Variants in KIAA1217 observed in about 807,000 individuals in gnomAD.
KIAA1217 encodes the protein KIAA1217, also known as sickle tail protein homolog.
A neutral mutation model predicts 163.9 loss-of-function variants in KIAA1217; 88 were observed. That is an observed-to-expected ratio of 0.54 (90% CI 0.45 to 0.64). The LOEUF is 0.64. Among genes scored for constraint, KIAA1217 ranks in the 30% least tolerant of loss-of-function variants. KIAA1217 has a pLI of 0.00. For synonymous variants in KIAA1217, 903 were observed against 923.1 expected (o/e 0.98, Z 0.39); for missense variants, 2,372 against 2,475.0 (o/e 0.96, Z 0.88).
At chr10:24,104,573 T>C (rs1369796346) in intron 2 of KIAA1217, among the ~76,000 whole-genome samples, 1 of 152,186 alleles carries the variant, frequency 6.6e-6, no homozygotes, top group Non-Finnish European at 1.5e-5. Context: ...ATACTTTGCA[T>C]GATACTATAA....
chr10:24,131,461 T>G (rs1301150081), intron 2 of KIAA1217, among the ~76,000 whole-genome samples: 1 of 152,180 alleles, frequency 6.6e-6, no homozygotes, highest in Non-Finnish European at 1.5e-5. Flanking sequence ...AGTCTTGTAA[T>G]TTAATATGCA....
intron 5 of KIAA1217, among the ~76,000 whole-genome samples, chr10:24,449,035 T>C (rs1342660814): frequency 6.6e-6 from 1 of 152,234 alleles, no homozygotes; most frequent in Non-Finnish European, 1.5e-5. Context: ...ATGAGTGATA[T>C]ACATAATGAT....
chr10:24,033,875 T>G (rs1275891532), intron 2 of KIAA1217, among the ~76,000 whole-genome samples: 1 of 152,218 alleles, frequency 6.6e-6, no homozygotes, highest in Non-Finnish European at 1.5e-5. Flanking sequence ...GTGGTGACAC[T>G]GAATATTTGA....
chr10:23,789,618 G>A (rs1457838429), intron 1 of KIAA1217, among the ~76,000 whole-genome samples: 1 of 152,048 alleles, frequency 6.6e-6, no homozygotes, highest in East Asian at 1.9e-4. Context: ...TAGCAACTCA[G>A]TAAATGCTAT....
chr10:24,306,048 G>T (rs1386839332), intron 2 of KIAA1217, among the ~76,000 whole-genome samples: 2 of 152,136 alleles, frequency 1.3e-5, no homozygotes. Context: ...TTCAAATTCT[G>T]GTTGAGTTAG....
chr10:24,131,001 CA>C (rs1203860459), intron 2 of KIAA1217, among the ~76,000 whole-genome samples: 1 of 152,088 alleles, frequency 6.6e-6, no homozygotes, highest in East Asian at 1.9e-4. Flanking sequence ...GTTCTTCCTC[CA>C]GGGGGAATAA....
chr10:23,964,789 T>A (rs1195874620), intron 1 of KIAA1217, among the ~76,000 whole-genome samples: 2 of 151,964 alleles, frequency 1.3e-5, no homozygotes, highest in Non-Finnish European at 2.9e-5. Flanking sequence ...TCTCTTGACT[T>A]CGTGATCTGC....
chr10:24,204,015 A>G (rs1324450089), upstream of KIAA1217, among the ~76,000 whole-genome samples: 3 of 152,242 alleles, frequency 2.0e-5, no homozygotes, highest in Non-Finnish European at 4.4e-5. Context: ...GATAAAAGAA[A>G]CCATAATAAA....
intron 1 of KIAA1217, among the ~76,000 whole-genome samples, chr10:23,705,070 C>G (rs1161807517): frequency 6.6e-6 from 1 of 152,110 alleles, no homozygotes; most frequent in Non-Finnish European, 1.5e-5. Flanking sequence ...TTTTCATGTG[C>G]TTATTGGACA....
intron 2 of KIAA1217, among the ~76,000 whole-genome samples, chr10:24,195,486 A>G (rs2066942844): frequency 6.6e-6 from 1 of 152,110 alleles, no homozygotes; most frequent in Non-Finnish European, 1.5e-5. Context: ...CCCTGTCTCG[A>G]AGGTTCTTTG....
intron 5 of KIAA1217, among the ~76,000 whole-genome samples, chr10:24,454,782 A>G (rs2061641260): frequency 6.6e-6 from 1 of 152,134 alleles, no homozygotes; most frequent in African/African-American, 2.4e-5. Context: ...ATGGATGGAA[A>G]TCCACAAAGT....
At chr10:24,298,311 A>G (rs945392283) in intron 2 of KIAA1217, among the ~76,000 whole-genome samples, 2 of 152,032 alleles carry the variant, frequency 1.3e-5, no homozygotes, top group African/African-American at 4.8e-5. Flanking sequence ...TCATTTATAT[A>G]ATAGGATATT....
chr10:24,381,775 G>A (rs1460507602), intron 3 of KIAA1217, among the ~76,000 whole-genome samples: 1 of 152,194 alleles, frequency 6.6e-6, no homozygotes, highest in Non-Finnish European at 1.5e-5. Flanking sequence ...GGCCAGGACA[G>A]TTGGCATTTG....
chr10:23,985,664 G>A (rs1337027615), intron 1 of KIAA1217, among the ~76,000 whole-genome samples: 1 of 152,174 alleles, frequency 6.6e-6, no homozygotes, highest in Non-Finnish European at 1.5e-5. Context: ...TGCATAACAA[G>A]CAAAGTCAAA....
chr10:24,490,827 G>A (rs1411577045), intron 6 of KIAA1217, among the ~76,000 whole-genome samples: 1 of 152,190 alleles, frequency 6.6e-6, no homozygotes, highest in Non-Finnish European at 1.5e-5. Flanking sequence ...CTCTGATGCA[G>A]CGTGTCTCTT....
At chr10:23,970,923 G>A (rs1416656493) in intron 1 of KIAA1217, among the ~76,000 whole-genome samples, 1 of 152,188 alleles carries the variant, frequency 6.6e-6, no homozygotes, top group Non-Finnish European at 1.5e-5. Flanking sequence ...GCAGAGTGAG[G>A]AGACCAAGGC....
chr10:23,783,528 T>C (rs756124042), intron 1 of KIAA1217, among the ~76,000 whole-genome samples: 7 of 152,190 alleles, frequency 4.6e-5, no homozygotes, highest in Non-Finnish European at 8.8e-5. Context: ...GTTTTCTTTT[T>C]GTTTTAGGTG....
intron 1 of KIAA1217, among the ~76,000 whole-genome samples, chr10:23,957,523 A>G (rs529734482): frequency 2.0e-5 from 3 of 152,184 alleles, no homozygotes; most frequent in Non-Finnish European, 2.9e-5. Flanking sequence ...AGAGTTCAAG[A>G]CCAGCCTGAC....
At chr10:23,816,036 C>T (rs1192034361) in intron 1 of KIAA1217, among the ~76,000 whole-genome samples, 4 of 152,132 alleles carry the variant, frequency 2.6e-5, no homozygotes, top group African/African-American at 9.7e-5. Flanking sequence ...CTTTTAGGAA[C>T]TCCCTGTCTT....
Sources: allele counts gnomAD v4.1 joint callset (sites outside exome capture counted in the v4.1 genomes callset), GRCh38; gene constraint gnomAD v4.1.1; transcripts MANE v1.5; gene names NCBI Gene and HGNC (gene_info 2026-07-23, HGNC 2026-07-21).